The following CYP3A7 variants were observed in gnomAD, a reference collection of about 807,000 sequenced individuals.
CYP3A7 encodes the protein cytochrome P450 family 3 subfamily A member 7.
CYP3A7 carries 45 observed loss-of-function variants against 55.2 expected under a neutral mutation model. The observed-to-expected ratio is 0.82, with a 90% confidence interval of 0.64 to 1.05. The LOEUF is 1.05. Among genes scored for constraint, CYP3A7 ranks in the 50% least tolerant of loss-of-function variants. CYP3A7 has a pLI of 0.00. For synonymous variants in CYP3A7, 180 were observed against 207.4 expected (o/e 0.87, Z 1.13); for missense variants, 548 against 605.3 (o/e 0.91, Z 0.99).
intron 9 of CYP3A7, among the ~76,000 whole-genome samples, chr7:99,711,923 G>T (rs1813763745): frequency 6.6e-6 from 1 of 152,166 alleles, no homozygotes; most frequent in Admixed American, 6.5e-5. Flanking sequence ...TCTTTGAGAG[G>T]CACCAGGTAA....
In CYP3A7 at chr7:99,705,550, G is replaced by A. The variant is rs762252052; in HGVS notation, c.1462C>T (p.Pro488Ser). 7.4e-6 allele frequency: 12 copies of A among 1,613,618 alleles called. No individual in the cohort carries two copies. The highest frequency in any genetic ancestry group is 1.0e-5 in the Non-Finnish European group (12 of 1,179,702). ...RFGGLLLTEK[P>S]IVLKAESRDE... ...CTTGACTCAGCCTTTAGAACAATGG[G>A]TTTTTCTGTTAGAAGAAGTCCTCCA... is the stretch of plus-strand genomic sequence containing the variant. The change falls in exon 13 of 13, where the codon CCC becomes TCC. Residue 488 changes from proline (P) to serine (S), a missense_variant. Coordinates refer to ENST00000336374, the MANE Select transcript of CYP3A7 (RefSeq NM_000765.5).
intron 1 of CYP3A7, among the ~76,000 whole-genome samples, chr7:99,731,889 G>T (rs1206086014): frequency 1.3e-5 from 2 of 152,156 alleles, no homozygotes; most frequent in Non-Finnish European, 2.9e-5. Context: ...TGGGGAGGAT[G>T]ATTGACTCAT....
chr7:99,730,654 G>A (rs1377768856), intron 2 of CYP3A7: 2 of 201,794 alleles, frequency 9.9e-6, no homozygotes, highest in African/African-American at 4.7e-5. Flanking sequence ...TTGCTACAGA[G>A]AGGAAAGTTT....
At position 99,715,871 on chromosome 7, in the gene CYP3A7, C is replaced by T. The variant is rs200458603; in HGVS notation, c.557G>A (p.Ser186Asn). Residue 186 changes from serine (S) to asparagine (N), a missense_variant, in exon 7 of 13, where the codon AGC (serine) becomes AAC (asparagine). Coordinates refer to ENST00000336374, the MANE Select transcript of CYP3A7 (RefSeq NM_000765.5). ...FGAYSMDVIT[S>N]TSFGVSIDSL... Reference sequence around the variant, plus strand: ...GTCGATGCTCACTCCAAATGATGTGCTAGTGATCACATCCATGCTGTAGGC... The same window carrying T: ...GTCGATGCTCACTCCAAATGATGTGTTAGTGATCACATCCATGCTGTAGGC... 4.3e-6 allele frequency: 7 copies of T among 1,613,834 alleles called. No individual in the cohort carries two copies. The East Asian group carries it at 1.6e-4, about 36-fold the overall frequency.
intron 1 of CYP3A7, among the ~76,000 whole-genome samples, chr7:99,734,044 G>A (rs559391192): frequency 2.0e-5 from 3 of 152,228 alleles, no homozygotes; most frequent in East Asian, 3.9e-4. Context: ...TTATCACTCA[G>A]AAGGAACATG....
At chr7:99,727,973 A>G (rs1387530715) in intron 2 of CYP3A7, among the ~76,000 whole-genome samples, 1 of 152,240 alleles carries the variant, frequency 6.6e-6, no homozygotes, top group East Asian at 1.9e-4. Context: ...TGCAAAGGCC[A>G]TCAAAGGGCC....
In CYP3A7 at chr7:99,722,356, G is replaced by A. The variant is rs768797372; in HGVS notation, c.166-8C>T. 2.5e-6 allele frequency: 4 copies of A among 1,613,246 alleles called. No individual in the cohort carries two copies. The highest frequency in any genetic ancestry group is 3.4e-6 in the Non-Finnish European group (4 of 1,179,560). ...GTCAAACGTCCAATAGCCCTGGGAG[G>A]AGAAACAAAATAATATTTCATTATT... On this transcript the variant is annotated splice_polypyrimidine_tract_variant and splice_region_variant and intron_variant, in intron 2 of 12. Coordinates refer to ENST00000336374, the MANE Select transcript of CYP3A7 (RefSeq NM_000765.5).
At chr7:99,723,963 T>A (rs1418149642) in intron 2 of CYP3A7, among the ~76,000 whole-genome samples, 1 of 152,222 alleles carries the variant, frequency 6.6e-6, no homozygotes, top group Non-Finnish European at 1.5e-5. Flanking sequence ...ACTGTGGGGA[T>A]GCCTGCCTTG....
At chr7:99,732,709 C>T (rs954158418) in intron 1 of CYP3A7, among the ~76,000 whole-genome samples, 2 of 152,150 alleles carry the variant, frequency 1.3e-5, no homozygotes, top group Non-Finnish European at 2.9e-5. Flanking sequence ...CATGAATCTG[C>T]TAGTCCCACA....
chr7:99,720,200 A>C, intron 4 of CYP3A7, 113 bp downstream of exon 4: 1 of 1,325,268 alleles, frequency 7.5e-7, no homozygotes, highest in African/African-American at 1.5e-5. Context: ...GATGAAGTGT[A>C]CATGGAACCT....
chr7:99,734,994 A>T (rs1277694395), intron 1 of CYP3A7, 29 bp downstream of exon 1: 1 of 1,613,802 alleles, frequency 6.2e-7, no homozygotes, highest in Non-Finnish European at 8.5e-7. Context: ...CCAAGGAAAC[A>T]GAGAAGAGGA....
At chr7:99,734,302 A>G (rs1814743153) in intron 1 of CYP3A7, among the ~76,000 whole-genome samples, 1 of 152,228 alleles carries the variant, frequency 6.6e-6, no homozygotes, top group Non-Finnish European at 1.5e-5. Context: ...TCCAGTACAC[A>G]CAGTAGGGAG....
intron 12 of CYP3A7, among the ~76,000 whole-genome samples, chr7:99,707,141 G>C (rs140553230): frequency 9.1e-4 from 139 of 152,312 alleles, no homozygotes; most frequent in Non-Finnish European, 1.6e-3. Context: ...AAGAAGATTA[G>C]CAGAGTTATA....
Position 99,717,277 on chromosome 7 carries a change from A to G in CYP3A7, c.433-12T>C, listed in dbSNP as rs1183395238. ...ATGATAGGGACCATCTAAGCACAAA[A>G]CACAACACCACCCATAGTTAAATGT... is the stretch of plus-strand genomic sequence containing the variant. On this transcript the variant is annotated splice_polypyrimidine_tract_variant and intron_variant, in intron 5 of 12. Coordinates refer to ENST00000336374, the MANE Select transcript of CYP3A7 (RefSeq NM_000765.5). 1.9e-6 allele frequency: 3 copies of G among 1,613,806 alleles called. No homozygotes were observed. Among genetic ancestry groups the G allele is most frequent in the African/African-American group, 1.3e-5 (1 of 74,918 alleles).
In CYP3A7 at chr7:99,705,611, G is replaced by A. The variant is rs764078210; in HGVS notation, c.1417-16C>T. ...TCAGGGGGATCTGCAACAGTTAAACGAGCATATTGAGAAGCATTAAATAAA... is the reference window on the plus strand; with the variant it reads ...TCAGGGGGATCTGCAACAGTTAAACAAGCATATTGAGAAGCATTAAATAAA... On this transcript the variant is annotated splice_polypyrimidine_tract_variant and intron_variant, in intron 12 of 12. Transcript: ENST00000336374. The A allele has an allele frequency of 2.8e-5, 45 of 1,611,920 alleles. No homozygotes were observed. Among genetic ancestry groups the A allele is most frequent in the Non-Finnish European group, 3.5e-5 (41 of 1,178,892 alleles).
chr7:99,726,012 G>T (rs1213138351), intron 2 of CYP3A7, among the ~76,000 whole-genome samples: 2 of 152,084 alleles, frequency 1.3e-5, no homozygotes, highest in African/African-American at 4.8e-5. Flanking sequence ...ATCCCCACCT[G>T]CCAGTTCCCT....
intron 2 of CYP3A7, among the ~76,000 whole-genome samples, chr7:99,723,259 T>G (rs1412419427): frequency 6.6e-6 from 1 of 152,146 alleles, no homozygotes; most frequent in Non-Finnish European, 1.5e-5. Flanking sequence ...TTGACCAACC[T>G]TACAACGTTC....
intron 3 of CYP3A7, among the ~76,000 whole-genome samples, chr7:99,721,531 AGAG>A (rs953512066): frequency 2.6e-5 from 4 of 152,198 alleles, no homozygotes; most frequent in Admixed American, 6.5e-5. Context: ...GAAAAAAAGA[AGAG>A]GGGAATAGGC....
intron 2 of CYP3A7, among the ~76,000 whole-genome samples, chr7:99,725,036 C>T (rs987315297): frequency 4.6e-5 from 7 of 152,082 alleles, no homozygotes; most frequent in Non-Finnish European, 7.4e-5. Flanking sequence ...TCCCCATTGG[C>T]AGTACAAGAT....
Sources: allele counts gnomAD v4.1 joint callset (sites outside exome capture counted in the v4.1 genomes callset), GRCh38; gene constraint gnomAD v4.1.1; transcripts MANE v1.5; gene names NCBI Gene and HGNC (gene_info 2026-07-23, HGNC 2026-07-21).